The following PTPRZ1 variants were observed in gnomAD, a reference collection of about 807,000 sequenced individuals.
PTPRZ1 encodes receptor-type tyrosine-protein phosphatase zeta.
Under a neutral mutation model 214.1 loss-of-function variants are expected in PTPRZ1, and 82 were observed. The ratio of observed to expected loss-of-function variants is 0.38; its 90% CI spans 0.32 to 0.46. PTPRZ1 has a LOEUF of 0.46. PTPRZ1 is among the 20% of genes least tolerant of loss of function. The pLI, the probability that PTPRZ1 is intolerant of heterozygous loss-of-function variation, is 1.00. For synonymous variants in PTPRZ1, 945 were observed against 987.9 expected (o/e 0.96, Z 0.81); for missense variants, 2,603 against 2,748.7 (o/e 0.95, Z 1.19).
chr7:121,928,170 T>A lies in PTPRZ1; in HGVS notation c.73T>A (p.Tyr25Asn), dbSNP rs1795819493. ...CVCRLDWANG[Y>N]YRQQRKLVEE... is the part of the protein sequence containing the mutation. Reference sequence around the variant, plus strand: ...CTTTTTTATAGATTGGGCTAATGGATACTACAGACAACAGAGAAAACTTGT... The same window carrying A: ...CTTTTTTATAGATTGGGCTAATGGAAACTACAGACAACAGAGAAAACTTGT... The change falls in exon 2 of 30, where the codon TAC becomes AAC. Residue 25 changes from tyrosine (Y) to asparagine (N), a missense_variant. Tyr to Asn is a moderately radical substitution (Grantham distance 143, BLOSUM62 -2). This residue lies in a region of PTPRZ1 where 141 missense variants were observed against 143.7 expected (regional missense o/e 0.98). Transcript: ENST00000393386. 6.2e-7 allele frequency: 1 copy of A among 1,612,046 alleles called. No individual in the cohort carries two copies. Among genetic ancestry groups the A allele is most frequent in the Admixed American group, 1.7e-5 (1 of 59,978 alleles).
At chr7:122,015,647 C>G (rs1207364503) in intron 12 of PTPRZ1, among the ~76,000 whole-genome samples, 2 of 152,050 alleles carry the variant, frequency 1.3e-5, no homozygotes, top group Admixed American at 1.3e-4. Flanking sequence ...ATCCATCTAT[C>G]TGTCTTACCA....
At position 122,061,095 on chromosome 7, in the gene PTPRZ1, C is replaced by T; in HGVS notation, c.6823C>T (p.Leu2275Phe). ...VFADIEQYQF[L>F]YKVILSLVST... The stretch of plus-strand genomic sequence containing the variant: ...TGTTCTCTAGGAGCAGTATCAGTTT[C>T]TCTACAAAGTGATCCTCAGCCTTGT... Residue 2275 changes from leucine (L) to phenylalanine (F), a missense_variant, in exon 30 of 30, where the codon CTC becomes TTC. Around this residue, in one of 6 missense-constraint regions of PTPRZ1, gnomAD observed 165 missense variants for 151.4 expected, o/e 1.09. Coordinates refer to ENST00000393386, the MANE Select transcript of PTPRZ1 (RefSeq NM_002851.3). 1.2e-6 allele frequency: 2 copies of T among 1,607,072 alleles called. No individual in the cohort carries two copies. The highest frequency in any genetic ancestry group is 2.2e-5 in the South Asian group (2 of 90,016).
intron 8 of PTPRZ1, among the ~76,000 whole-genome samples, chr7:121,988,284 C>T (rs960949272): frequency 2.0e-5 from 3 of 152,070 alleles, no homozygotes; most frequent in Non-Finnish European, 4.4e-5. Flanking sequence ...TTTCTGGTTA[C>T]ATAGACTAAT....
chr7:121,927,752 G>T (rs1470016013), intron 1 of PTPRZ1, among the ~76,000 whole-genome samples: 1 of 152,112 alleles, frequency 6.6e-6, no homozygotes, highest in Non-Finnish European at 1.5e-5. Flanking sequence ...GATAAAACTT[G>T]GATTGTAAAC....
chr7:121,937,086 T>C (rs1028519390), intron 2 of PTPRZ1, among the ~76,000 whole-genome samples: 1 of 152,234 alleles, frequency 6.6e-6, no homozygotes, highest in African/African-American at 2.4e-5. Flanking sequence ...TAGACTGTTA[T>C]AGAGCTTCTA....
intron 23 of PTPRZ1, among the ~76,000 whole-genome samples, chr7:122,047,462 G>A (rs746924143): frequency 7.9e-5 from 12 of 152,046 alleles, no homozygotes; most frequent in Admixed American, 4.6e-4. Flanking sequence ...ACAAAGAGGC[G>A]GGATTCAGGA....
At chr7:122,056,060 G>A (rs1274918293) in intron 27 of PTPRZ1, among the ~76,000 whole-genome samples, 4 of 151,780 alleles carry the variant, frequency 2.6e-5, no homozygotes, top group South Asian at 2.1e-4. Flanking sequence ...TAGAAGGCTC[G>A]TAAGGTCCCT....
intron 2 of PTPRZ1, among the ~76,000 whole-genome samples, chr7:121,952,248 G>GCGCC (rs1796571440): frequency 7.4e-6 from 1 of 135,072 alleles, no homozygotes. Context: ...GTGAGTCACC[G>GCGCC]CGCCCGGTGA....
chr7:121,942,088 C>T (rs998393142), intron 2 of PTPRZ1, among the ~76,000 whole-genome samples: 3 of 152,154 alleles, frequency 2.0e-5, no homozygotes, highest in African/African-American at 7.2e-5. Flanking sequence ...GAATCACTGC[C>T]AGCTCAGCCA....
intron 13 of PTPRZ1, among the ~76,000 whole-genome samples, chr7:122,022,244 G>A (rs924852221): frequency 1.3e-5 from 2 of 152,146 alleles, no homozygotes; most frequent in African/African-American, 2.4e-5. Flanking sequence ...GGTTTTTAAA[G>A]TGTTCTACTA....
At chr7:121,971,609 A>G (rs780594396) in intron 3 of PTPRZ1, among the ~76,000 whole-genome samples, 11 of 152,202 alleles carry the variant, frequency 7.2e-5, no homozygotes, top group African/African-American at 1.4e-4. Context: ...AATAAGGTTT[A>G]TACAGTATCT....
At chr7:121,905,454 T>C (rs1035837946) in intron 1 of PTPRZ1, among the ~76,000 whole-genome samples, 4 of 152,266 alleles carry the variant, frequency 2.6e-5, no homozygotes, top group African/African-American at 9.6e-5. Context: ...CCACTTCAGC[T>C]TCAACAAGGC....
chr7:121,911,651 T>C (rs1795280524), intron 1 of PTPRZ1, among the ~76,000 whole-genome samples: 1 of 152,088 alleles, frequency 6.6e-6, no homozygotes, highest in African/African-American at 2.4e-5. Flanking sequence ...TTCTTATCCT[T>C]TCAGAGCCTC....
At chr7:121,883,643 TG>T (rs1256708661) in intron 1 of PTPRZ1, among the ~76,000 whole-genome samples, 1 of 152,246 alleles carries the variant, frequency 6.6e-6, no homozygotes, top group East Asian at 1.9e-4. Context: ...TTGCTGTTTT[TG>T]AGACGGAGTT....
chr7:122,047,651 T>TG (rs1404641648), intron 23 of PTPRZ1, among the ~76,000 whole-genome samples: 3 of 90,140 alleles, frequency 3.3e-5, no homozygotes, highest in African/African-American at 2.3e-4. Context: ...ATATTCCTTT[T>TG]TTTTTTTTTT....
intron 20 of PTPRZ1, among the ~76,000 whole-genome samples, chr7:122,039,930 T>C (rs1029814622): frequency 4.0e-5 from 6 of 149,384 alleles, no homozygotes; most frequent in African/African-American, 1.5e-4. Context: ...TGCAGTGAGC[T>C]AAGATCATGC....
At chr7:121,946,815 AT>A (rs1324115563) in intron 2 of PTPRZ1, among the ~76,000 whole-genome samples, 1 of 152,134 alleles carries the variant, frequency 6.6e-6, no homozygotes, top group Non-Finnish European at 1.5e-5. Context: ...AAAAGAGCAT[AT>A]TTTTTGTGAC....
rs1797292234 is a variant in PTPRZ1, at chr7:121,972,664, G to A, written c.428G>A (p.Ser143Asn). Residue 143 changes from serine (S) to asparagine (N), a missense_variant, in exon 4 of 30, where the codon AGT becomes AAT. This residue lies in a region of PTPRZ1 where 6 missense variants were observed against 22.8 expected (regional missense o/e 0.26). Coordinates refer to ENST00000393386, the MANE Select transcript of PTPRZ1 (RefSeq NM_002851.3). ...CNMSSDGSEH[S>N]LEGQKFPLEM... is the part of the protein sequence containing the mutation. The stretch of plus-strand genomic sequence containing the variant: ...ATGTCATCTGATGGATCAGAGCATA[G>A]TTTAGAAGGACAAAAATTTCCACTT... 6.2e-7 allele frequency: 1 copy of A among 1,605,916 alleles called. No individual in the cohort carries two copies. The highest frequency in any genetic ancestry group is 1.1e-5 in the South Asian group (1 of 88,646).
intron 13 of PTPRZ1, among the ~76,000 whole-genome samples, chr7:122,023,425 G>A (rs898776329): frequency 6.8e-6 from 1 of 146,724 alleles, no homozygotes; most frequent in Admixed American, 7.1e-5. Context: ...TGTAGCCAGC[G>A]AGGCATGGTG....
Sources: allele counts gnomAD v4.1 joint callset (sites outside exome capture counted in the v4.1 genomes callset), GRCh38; gene constraint gnomAD v4.1.1; regional missense constraint gnomAD v4.1.1; transcripts MANE v1.5; gene names NCBI Gene and HGNC (gene_info 2026-07-23, HGNC 2026-07-21).